Variants in GATA3 observed in about 807,000 individuals in gnomAD.
GATA3 encodes the protein GATA binding protein 3, also known as trans-acting T-cell-specific transcription factor GATA-3.
Under a neutral mutation model 36.0 loss-of-function variants are expected in GATA3, and 6 were observed. The ratio of observed to expected loss-of-function variants is 0.17; its 90% CI spans 0.09 to 0.33. The LOEUF (loss-of-function observed/expected upper bound fraction) is 0.33, where lower values mean the gene tolerates loss of function less well. Ranked by LOEUF, GATA3 falls within the 10% of genes least tolerant of loss-of-function variation. The probability of loss-of-function intolerance (pLI) is 1.00; values close to 1 mark genes in which losing one functional copy is unlikely to be tolerated. For synonymous variants in GATA3, 326 were observed against 273.0 expected, an observed-to-expected ratio of 1.19 and a Z score of -1.92; for missense variants, 514 against 610.1, an observed-to-expected ratio of 0.84 and a Z score of 1.66.
chr10:8,049,094 A>G (rs1383084607), upstream of GATA3, among the ~76,000 whole-genome samples: 1 of 148,824 alleles, frequency 6.7e-6, no homozygotes, highest in African/African-American at 2.5e-5. Context: ...AAACAAACAA[A>G]CAGAAAAAAA....
chr10:8,073,843 C>G lies in GATA3; in HGVS notation c.1155C>G (p.Asp385Glu), dbSNP rs2131521140. The change falls in exon 6 of 6, where the codon GAC becomes GAG. Residue 385 changes from aspartate (D) to glutamate (E), a missense_variant. Asp to Glu is a conservative substitution (Grantham distance 45). Transcript: ENST00000379328. The stretch of plus-strand genomic sequence containing the variant: ...AAAAAGTGCATGACTCACTGGAGGA[C>G]TTCCCCAAGAACAGCTCGTTTAACC... ...KCKKVHDSLE[D>E]FPKNSSFNPA... 6.2e-7 allele frequency: 1 copy of G among 1,614,132 alleles called. No individual in the cohort carries two copies. The highest frequency in any genetic ancestry group is 8.5e-7 in the Non-Finnish European group (1 of 1,180,032).
Position 8,074,814 on chromosome 10 carries a change from T to C in GATA3, c.*791T>C, listed in dbSNP as rs1189951922. ...TTTACTGCTAGTCTTAAGAACTGCT[T>C]TCTTTCGTTTGTTTGTTTCAATATT... On this transcript the variant is annotated 3_prime_UTR_variant, in exon 6 of 6. Coordinates refer to ENST00000379328, the MANE Select transcript of GATA3 (RefSeq NM_001002295.2). 4.3e-6 allele frequency: 1 copy of C among 233,638 alleles called. No individual in the cohort carries two copies. The highest frequency in any genetic ancestry group is 2.2e-5 in the African/African-American group (1 of 45,330). The allele number at this position is 233,638 out of a possible 1,614,324, so 14.5% of individuals were successfully genotyped here.
rs1832625479 is a variant in GATA3, at chr10:8,055,842, T to C, written c.187T>C (p.Tyr63His). ...IDGQGNHVPP[Y>H]YGNSVRATVQ... ...CGGTCAAGGCAACCACGTCCCGCCCTACTACGGAAACTCGGTCAGGGCCAC... is the reference window on the plus strand; with the variant it reads ...CGGTCAAGGCAACCACGTCCCGCCCCACTACGGAAACTCGGTCAGGGCCAC... The change falls in exon 2 of 6, where the codon TAC becomes CAC. Residue 63 changes from tyrosine to histidine, a missense_variant. Physicochemically the swap from Tyr to His is moderately conservative, Grantham distance 83. Around this residue, in one of 3 missense-constraint regions of GATA3, gnomAD observed 381 missense variants for 354.3 expected, o/e 1.08. Transcript: ENST00000379328. The surrounding 1 kb of genome is among the most constrained non-coding windows in gnomAD (Gnocchi z 5.4). 2 of 1,583,394 alleles carry C rather than the reference T, an allele frequency of 1.3e-6. No homozygotes were observed. The highest frequency in any genetic ancestry group is 1.7e-6 in the Non-Finnish European group (2 of 1,164,562).
chr10:8,059,485 C>T (rs767351966), intron 3 of GATA3, among the ~76,000 whole-genome samples: 4 of 152,204 alleles, frequency 2.6e-5, no homozygotes, highest in African/African-American at 9.6e-5. Flanking sequence ...AATCAAATGT[C>T]GCCTGGCCCA....
intron 1 of GATA3, among the ~76,000 whole-genome samples, chr10:8,048,431 T>C (rs1832418165): frequency 6.6e-6 from 1 of 152,204 alleles, no homozygotes; most frequent in Non-Finnish European, 1.5e-5. Flanking sequence ...TCCTGGGTGC[T>C]ATAGCGGTGT....
At chr10:8,051,015 A>G (rs778005077), upstream of GATA3, 14 of 517,050 alleles carry the variant, frequency 2.7e-5, no homozygotes, top group South Asian at 1.6e-4. Context: ...GGCCGCGAGC[A>G]TCTCCGCGCC....
chr10:8,062,065 C>T (rs889852406), intron 3 of GATA3, among the ~76,000 whole-genome samples: 27 of 152,200 alleles, frequency 1.8e-4, no homozygotes, highest in African/African-American at 4.3e-4. Context: ...GGGCTGCAGC[C>T]GGTTACTCGC....
At chr10:8,062,678 A>T (rs1406709284) in intron 3 of GATA3, among the ~76,000 whole-genome samples, 1 of 152,124 alleles carries the variant, frequency 6.6e-6, no homozygotes, top group Non-Finnish European at 1.5e-5. Flanking sequence ...GAGGTCATTA[A>T]TTACTCTCTT....
intron 5 of GATA3, among the ~76,000 whole-genome samples, chr10:8,070,744 A>G (rs1222043295): frequency 1.3e-5 from 2 of 152,060 alleles, no homozygotes; most frequent in Admixed American, 1.3e-4. Flanking sequence ...ACTTCTTGGG[A>G]GCAAGTTGCT....
At chr10:8,061,224 G>GCTTTCGGGGCTGGGA (rs1334226668) in intron 3 of GATA3, among the ~76,000 whole-genome samples, 4 of 152,164 alleles carry the variant, frequency 2.6e-5, no homozygotes, top group African/African-American at 9.7e-5. Context: ...TAACGCCTGG[G>GCTTTCGGGGCTGGGA]CTTTCGGGGC....
intron 4 of GATA3, among the ~76,000 whole-genome samples, chr10:8,069,226 G>C (rs369603808): frequency 2.0e-5 from 3 of 152,218 alleles, no homozygotes; most frequent in South Asian, 4.1e-4. Context: ...TGCTCCTACC[G>C]GGGAGCAGCA....
At chr10:8,047,065 C>T (rs564402865) in intron 1 of GATA3, among the ~76,000 whole-genome samples, 7 of 152,330 alleles carry the variant, frequency 4.6e-5, no homozygotes, top group African/African-American at 1.4e-4. Context: ...CTTTATTTGA[C>T]ATTTACACCC....
intron 4 of GATA3, among the ~76,000 whole-genome samples, chr10:8,067,844 AAAAAAC>A (rs1832871772): frequency 2.9e-4 from 2 of 6,972 alleles, no homozygotes; most frequent in Admixed American, 4.2e-3. Context: ...ATAACAAAAC[AAAAAAC>A]AAAAAACAAA....
At chr10:8,047,475 T>A (rs72782802) in intron 1 of GATA3, among the ~76,000 whole-genome samples, 7,127 of 152,360 alleles carry the variant, frequency 0.047, 179 homozygotes, top group Non-Finnish European at 0.058. Context: ...TATCTTTGTG[T>A]GCAGACCAAA....
At chr10:8,072,973 C>T (rs1379374522) in intron 5 of GATA3, among the ~76,000 whole-genome samples, 2 of 151,762 alleles carry the variant, frequency 1.3e-5, no homozygotes, top group East Asian at 1.9e-4. Context: ...GGTGAAACCC[C>T]GTCTCTACTA....
Position 8,058,571 on chromosome 10 carries a change from C to T in GATA3, c.508C>T (p.Pro170Ser), listed in dbSNP as rs1309543230. ...CTCCCCGGACCCATCGCTGTCCACC[C>T]CAGGCTCGGCCGGCTCGGCCCGGCA... ...DVSPDPSLST[P>S]GSAGSARQDE... The change falls in exon 3 of 6, where the codon CCA (proline) becomes TCA (serine). Residue 170 changes from proline (P) to serine (S), a missense_variant. Coordinates refer to ENST00000379328, the MANE Select transcript of GATA3 (RefSeq NM_001002295.2). 1.2e-6 allele frequency: 2 copies of T among 1,612,620 alleles called. No homozygotes were observed. The highest frequency in any genetic ancestry group is 3.3e-5 in the Admixed American group (2 of 60,028).
At chr10:8,048,909 G>T (rs1292664648), upstream of GATA3, among the ~76,000 whole-genome samples, 4 of 151,690 alleles carry the variant, frequency 2.6e-5, no homozygotes, top group African/African-American at 9.7e-5. Context: ...GTGGCGGTGG[G>T]AGGGTCAGGA....
intron 4 of GATA3, 132 bp downstream of exon 4, chr10:8,064,270 T>TG: frequency 7.3e-6 from 5 of 683,686 alleles, no homozygotes; most frequent in Non-Finnish European, 1.1e-5. Context: ...TTGGGACAGT[T>TG]TTTTTTTTTT....
At chr10:8,057,046 C>T (rs1430137574) in intron 2 of GATA3, among the ~76,000 whole-genome samples, 1 of 152,178 alleles carries the variant, frequency 6.6e-6, no homozygotes, top group Non-Finnish European at 1.5e-5. Flanking sequence ...ATCGTTTCTG[C>T]GGATGGGGCG....
Sources: gnomAD v4.1 joint callset for allele counts (sites outside exome capture counted in the v4.1 genomes callset) on GRCh38, gnomAD v4.1.1 for gene constraint, gnomAD v4.1.1 regional missense constraint, Gnocchi (gnomAD v3.1) non-coding constraint, MANE v1.5 for transcripts, NCBI Gene and HGNC (gene_info 2026-07-23, HGNC 2026-07-21) for gene names.